The following PTPRD variants were observed in gnomAD, a reference collection of about 807,000 sequenced individuals.
PTPRD encodes protein tyrosine phosphatase receptor type D, also known as receptor-type tyrosine-protein phosphatase delta.
In PTPRD, 34 loss-of-function variants were observed where a neutral mutation model predicts 214.5. That is an observed-to-expected ratio of 0.16 (90% confidence interval 0.12 to 0.21). PTPRD has a LOEUF of 0.21. Ranked by LOEUF, PTPRD falls within the 10% of genes least tolerant of loss-of-function variation. The probability of loss-of-function intolerance (pLI) is 1.00; values close to 1 mark genes in which losing one functional copy is unlikely to be tolerated. For synonymous variants in PTPRD, 1,128 were observed against 845.7 expected, an observed-to-expected ratio of 1.33 and a Z score of -5.79; for missense variants, 2,545 against 2,398.7, an observed-to-expected ratio of 1.06 and a Z score of -1.27.
At chr9:8,644,047 G>A (rs1322720879) in intron 12 of PTPRD, among the ~76,000 whole-genome samples, 1 of 152,166 alleles carries the variant, frequency 6.6e-6, no homozygotes, top group African/African-American at 2.4e-5. Flanking sequence ...CCCCTCTGAG[G>A]CCCATAAAAG....
intron 11 of PTPRD, among the ~76,000 whole-genome samples, chr9:8,949,973 T>C (rs1368193768): frequency 2.0e-5 from 3 of 152,172 alleles, no homozygotes. Flanking sequence ...GGGAGAGTAG[T>C]ACAGGGAGAT....
intron 5 of PTPRD, among the ~76,000 whole-genome samples, chr9:9,868,230 C>T (rs1266876945): frequency 6.6e-6 from 1 of 152,054 alleles, no homozygotes; most frequent in Non-Finnish European, 1.5e-5. Flanking sequence ...CAAAGATAAT[C>T]ATCAAAACAA....
chr9:8,549,471 T>C (rs1286137152), intron 14 of PTPRD, among the ~76,000 whole-genome samples: 1 of 151,954 alleles, frequency 6.6e-6, no homozygotes, highest in Non-Finnish European at 1.5e-5. Flanking sequence ...GTGAGAAGAG[T>C]ATGGGAAACA....
At chr9:9,087,374 C>T (rs551766637) in intron 10 of PTPRD, among the ~76,000 whole-genome samples, 1 of 152,086 alleles carries the variant, frequency 6.6e-6, no homozygotes, top group South Asian at 2.1e-4. Flanking sequence ...CATGTGTGAC[C>T]ATTTTTCAGT....
At chr9:9,857,134 T>C (rs1377234654) in intron 5 of PTPRD, among the ~76,000 whole-genome samples, 2 of 152,198 alleles carry the variant, frequency 1.3e-5, no homozygotes, top group African/African-American at 4.8e-5. Context: ...TTAGTTTCAA[T>C]CCATTTGCCT....
At chr9:8,461,845 T>C (rs2096415641) in intron 32 of PTPRD, among the ~76,000 whole-genome samples, 1 of 152,012 alleles carries the variant, frequency 6.6e-6, no homozygotes, top group Non-Finnish European at 1.5e-5. Flanking sequence ...AGATGGGGTC[T>C]CACCATGTTT....
chr9:9,077,665 T>C (rs765361231), intron 10 of PTPRD, among the ~76,000 whole-genome samples: 5 of 152,020 alleles, frequency 3.3e-5, no homozygotes, highest in South Asian at 2.1e-4. Context: ...TGCACCCTGA[T>C]TGGGAGAGCC....
At chr9:10,156,624 A>C (rs2154282893) in intron 3 of PTPRD, among the ~76,000 whole-genome samples, 1 of 152,246 alleles carries the variant, frequency 6.6e-6, no homozygotes, top group African/African-American at 2.4e-5. Context: ...TTTGGGGTAG[A>C]GAGTTGTGTA....
chr9:8,388,310 C>A (rs939625113), intron 37 of PTPRD, among the ~76,000 whole-genome samples: 6 of 152,158 alleles, frequency 3.9e-5, no homozygotes, highest in African/African-American at 1.4e-4. Flanking sequence ...ATCAGGCTTT[C>A]TTCCTTCTAA....
intron 2 of PTPRD, among the ~76,000 whole-genome samples, chr9:10,449,185 G>GCGC (rs1256305546): frequency 2.0e-5 from 3 of 151,994 alleles, no homozygotes; most frequent in Admixed American, 6.5e-5. Context: ...GATTGCGGGC[G>GCGC]GGTGCCGCCA....
chr9:10,338,320 C>T (rs10756027), intron 3 of PTPRD, among the ~76,000 whole-genome samples: 47,847 of 151,308 alleles, frequency 0.32, 9,493 homozygotes, highest in African/African-American at 0.55. Flanking sequence ...GGACTGATTC[C>T]TGAGACAGTT....
chr9:9,575,489 G>T (rs1176078050), intron 7 of PTPRD, among the ~76,000 whole-genome samples: 1 of 151,776 alleles, frequency 6.6e-6, no homozygotes, highest in Non-Finnish European at 1.5e-5. Flanking sequence ...GGGAGGCCGA[G>T]GTGGGTAGAT....
At chr9:10,346,798 G>GAA (rs1177671851) in intron 2 of PTPRD, among the ~76,000 whole-genome samples, 2 of 152,178 alleles carry the variant, frequency 1.3e-5, no homozygotes, top group Non-Finnish European at 2.9e-5. Context: ...GTGTGGGTCT[G>GAA]AAAGCAAGAG....
At chr9:9,712,793 C>T (rs543343890) in intron 7 of PTPRD, among the ~76,000 whole-genome samples, 54 of 152,130 alleles carry the variant, frequency 3.5e-4, no homozygotes, top group African/African-American at 1.2e-3. Context: ...CTAAGAAATG[C>T]CTTAAAAGTA....
chr9:9,026,540 G>T (rs1350891971), intron 10 of PTPRD, among the ~76,000 whole-genome samples: 4 of 151,952 alleles, frequency 2.6e-5, no homozygotes, highest in African/African-American at 9.7e-5. Context: ...CTGGTTTCCT[G>T]TCCAGGGTTT....
chr9:9,346,507 T>C (rs900896965), intron 9 of PTPRD, among the ~76,000 whole-genome samples: 4 of 152,170 alleles, frequency 2.6e-5, no homozygotes, highest in Non-Finnish European at 5.9e-5. Flanking sequence ...GTGATGCTTA[T>C]TTCCAAAAAT....
chr9:9,266,051 C>A (rs958999200), intron 9 of PTPRD, among the ~76,000 whole-genome samples: 1 of 151,092 alleles, frequency 6.6e-6, no homozygotes, highest in African/African-American at 2.4e-5. Context: ...ATATTGTATG[C>A]AAATAAAATC....
At chr9:9,629,706 G>A (rs940056593) in intron 7 of PTPRD, among the ~76,000 whole-genome samples, 2 of 152,066 alleles carry the variant, frequency 1.3e-5, no homozygotes, top group Admixed American at 1.3e-4. Context: ...GGATGGAAGA[G>A]GGTAAGGAGA....
At chr9:10,582,855 C>A (rs146244757) in intron 2 of PTPRD, among the ~76,000 whole-genome samples, 1 of 152,058 alleles carries the variant, frequency 6.6e-6, no homozygotes, top group Non-Finnish European at 1.5e-5. Flanking sequence ...TAGAAAACTA[C>A]GTCAGGTGAC....
Sources: gnomAD v4.1 joint callset for allele counts (sites outside exome capture counted in the v4.1 genomes callset) on GRCh38, gnomAD v4.1.1 for gene constraint, MANE v1.5 for transcripts, NCBI Gene and HGNC (gene_info 2026-07-23, HGNC 2026-07-21) for gene names.